Variants in FSTL4 observed in about 807,000 individuals in gnomAD.
The protein encoded by FSTL4 is follistatin-related protein 4.
In FSTL4, 28 loss-of-function variants were observed where a neutral mutation model predicts 78.2. The ratio of observed to expected loss-of-function variants is 0.36; its 90% CI spans 0.27 to 0.49. The LOEUF (loss-of-function observed/expected upper bound fraction) is 0.49, where lower values mean the gene tolerates loss of function less well. Ranked by LOEUF, FSTL4 falls within the 20% of genes least tolerant of loss-of-function variation. The pLI is 0.98. For missense variants in FSTL4, 922 were observed against 1,084.9 expected (o/e 0.85, Z 2.11); for synonymous variants, 422 against 440.5 (o/e 0.96, Z 0.53).
chr5:133,763,422 C>T, the FSTL4 span, among the ~76,000 whole-genome samples: 1 of 152,240 alleles, frequency 6.6e-6, no homozygotes, highest in Non-Finnish European at 1.5e-5. Flanking sequence ...GCTCCTCCTT[C>T]CTTGGTTTTC....
At chr5:133,726,357 C>T in the FSTL4 span, among the ~76,000 whole-genome samples, 1 of 152,210 alleles carries the variant, frequency 6.6e-6, no homozygotes, top group Non-Finnish European at 1.5e-5. Context: ...CAACATGCCC[C>T]ACAGTCCCTG....
chr5:133,726,703 T>A, the FSTL4 span, among the ~76,000 whole-genome samples: 1 of 152,088 alleles, frequency 6.6e-6, no homozygotes, highest in Non-Finnish European at 1.5e-5. Flanking sequence ...CAGCCCCTTG[T>A]ATGGAAAAAG....
chr5:133,506,513 T>C (rs1758615729), intron 3 of FSTL4, among the ~76,000 whole-genome samples: 1 of 152,048 alleles, frequency 6.6e-6, no homozygotes, highest in African/African-American at 2.4e-5. Flanking sequence ...GAAGCTCAAG[T>C]GGGTAGACAA....
chr5:133,739,469 A>G, the FSTL4 span, among the ~76,000 whole-genome samples: 2 of 152,100 alleles, frequency 1.3e-5, no homozygotes, highest in South Asian at 4.1e-4. Context: ...ATCTGTGTTT[A>G]TCTCACCCAA....
At chr5:133,591,236 C>T (rs1402626896) in intron 2 of FSTL4, among the ~76,000 whole-genome samples, 5 of 152,024 alleles carry the variant, frequency 3.3e-5, no homozygotes, top group South Asian at 2.1e-4. Flanking sequence ...ACAGACAGGC[C>T]GGGTTGGTGA....
At chr5:133,736,084 T>G in the FSTL4 span, among the ~76,000 whole-genome samples, 1 of 152,040 alleles carries the variant, frequency 6.6e-6, no homozygotes, top group Non-Finnish European at 1.5e-5. Flanking sequence ...GGATGGAGGG[T>G]ACCAGGAACC....
At chr5:133,668,215 C>G in the FSTL4 span, among the ~76,000 whole-genome samples, 1 of 152,176 alleles carries the variant, frequency 6.6e-6, no homozygotes, top group Non-Finnish European at 1.5e-5. Flanking sequence ...CTGGTCAGCA[C>G]AATTCTCTCA....
At chr5:133,764,031 G>A in the FSTL4 span, among the ~76,000 whole-genome samples, 1 of 152,248 alleles carries the variant, frequency 6.6e-6, no homozygotes, top group Non-Finnish European at 1.5e-5. Flanking sequence ...GCTGGCCAGA[G>A]CCCAAGCCCT....
Position 133,196,743 on chromosome 5 carries a change from C to T in FSTL4, c.*2352G>A, listed in dbSNP as rs986157616. 14 of 152,276 alleles carry T rather than the reference C, an allele frequency of 9.2e-5. No homozygotes were observed. Among genetic ancestry groups the T allele is most frequent in the Admixed American group, 4.6e-4 (7 of 15,282 alleles). The allele number at this position is 152,276 out of a possible 1,614,324, so 9.4% of individuals were successfully genotyped here. ...TGGCCTTCCTCCTCTTCCTCCTTCT[C>T]CTCCCACCCCTGACTCCCCACCCAA... On this transcript the variant is annotated 3_prime_UTR_variant, in exon 16 of 16. Coordinates refer to ENST00000265342, the MANE Select transcript of FSTL4 (RefSeq NM_015082.2).
the FSTL4 span, among the ~76,000 whole-genome samples, chr5:133,656,037 C>T: frequency 2.0e-5 from 3 of 152,320 alleles, no homozygotes; most frequent in Non-Finnish European, 4.4e-5. Flanking sequence ...TCTCTTAAGA[C>T]ATGATGTTTA....
At chr5:133,457,110 A>G (rs1757507689) in intron 3 of FSTL4, among the ~76,000 whole-genome samples, 1 of 143,488 alleles carries the variant, frequency 7.0e-6, no homozygotes, top group Non-Finnish European at 1.6e-5. Flanking sequence ...GGGGAGATAG[A>G]GAAAGAAAAA....
At chr5:133,453,446 A>C (rs1380673137) in intron 3 of FSTL4, among the ~76,000 whole-genome samples, 3 of 152,150 alleles carry the variant, frequency 2.0e-5, no homozygotes, top group Non-Finnish European at 4.4e-5. Flanking sequence ...ACTTCACTAC[A>C]CCTGGGCAGA....
Position 133,199,804 on chromosome 5 carries a change from G to T in FSTL4, c.1827-7C>A, listed in dbSNP as rs761592405. On this transcript the variant is annotated splice_polypyrimidine_tract_variant and splice_region_variant and intron_variant, in intron 15 of 15. Coordinates refer to ENST00000265342, the MANE Select transcript of FSTL4 (RefSeq NM_015082.2). The surrounding 1 kb of genome is among the most constrained non-coding windows in gnomAD (Gnocchi z 4.4). ...GTTGAAGATGAAGCCAAACCTGGGAGGGGAAGAACTGAGGTCAGAAGTTGC... is the reference window on the plus strand; with the variant it reads ...GTTGAAGATGAAGCCAAACCTGGGATGGGAAGAACTGAGGTCAGAAGTTGC... The T allele has an allele frequency of 9.3e-6, 14 of 1,509,882 alleles. No homozygotes were observed. The highest frequency in any genetic ancestry group is 1.2e-5 in the Non-Finnish European group (13 of 1,112,402). The allele number at this position is 1,509,882 out of a possible 1,614,324, so 93.5% of individuals were successfully genotyped here.
At chr5:133,510,917 C>T (rs1361904965) in intron 3 of FSTL4, among the ~76,000 whole-genome samples, 1 of 152,124 alleles carries the variant, frequency 6.6e-6, no homozygotes, top group African/African-American at 2.4e-5. Flanking sequence ...AGCCAGCTCT[C>T]GCTCAAAAAG....
the FSTL4 span, among the ~76,000 whole-genome samples, chr5:133,821,404 C>T: frequency 1.3e-5 from 2 of 152,202 alleles, no homozygotes; most frequent in Non-Finnish European, 1.5e-5. Flanking sequence ...AGGGGTAGGA[C>T]GCAGCCCCAG....
At chr5:133,728,836 GGAAAAAGAAAAGA>G in the FSTL4 span, among the ~76,000 whole-genome samples, 55 of 151,232 alleles carry the variant, frequency 3.6e-4, no homozygotes, top group East Asian at 8.7e-3. Context: ...GGAGGGTGGG[GGAAAAAGAAAAGA>G]GAAAAAGAAA....
At chr5:133,316,377 C>A in intron 5 of FSTL4, 82 bp downstream of exon 5, 1 of 1,078,692 alleles carries the variant, frequency 9.3e-7, no homozygotes, top group Non-Finnish European at 1.4e-6. Flanking sequence ...TGAACACATG[C>A]TCTTAGACAC....
chr5:133,413,338 G>A (rs1756516937), intron 3 of FSTL4, among the ~76,000 whole-genome samples: 1 of 151,916 alleles, frequency 6.6e-6, no homozygotes, highest in East Asian at 1.9e-4. Context: ...TTACTCTTAT[G>A]TTCGTGTATT....
intron 3 of FSTL4, among the ~76,000 whole-genome samples, chr5:133,437,314 A>G: frequency 6.6e-6 from 1 of 152,056 alleles, no homozygotes; most frequent in East Asian, 1.9e-4. Flanking sequence ...AGTGACAGTC[A>G]CCGCACTTGG....
Sources: allele counts gnomAD v4.1 joint callset (sites outside exome capture counted in the v4.1 genomes callset), GRCh38; gene constraint gnomAD v4.1.1; non-coding constraint Gnocchi (gnomAD v3.1); transcripts MANE v1.5; gene names NCBI Gene and HGNC (gene_info 2026-07-23, HGNC 2026-07-21).